The following LIMD1 variants were observed in gnomAD, a reference collection of about 807,000 sequenced individuals.
LIMD1 encodes the protein LIM domain containing 1.
A neutral mutation model predicts 58.4 loss-of-function variants in LIMD1; 23 were observed. The observed-to-expected ratio is 0.39, with a 90% CI of 0.28 to 0.56. The LOEUF (loss-of-function observed/expected upper bound fraction) is 0.56, where lower values mean the gene tolerates loss of function less well. LIMD1 is among the 20% of genes least tolerant of loss of function. The pLI is 0.57. For missense variants in LIMD1, 838 were observed against 855.5 expected, an observed-to-expected ratio of 0.98 and a Z score of 0.25; for synonymous variants, 334 against 345.5, an observed-to-expected ratio of 0.97 and a Z score of 0.37.
intron 1 of LIMD1, among the ~76,000 whole-genome samples, chr3:45,619,520 T>A (rs974782860): frequency 6.6e-6 from 1 of 152,206 alleles, no homozygotes; most frequent in African/African-American, 2.4e-5. Flanking sequence ...GTTTTAAGGC[T>A]GGGCATGGTG....
At chr3:45,661,308 T>C (rs1697433735) in intron 2 of LIMD1, among the ~76,000 whole-genome samples, 1 of 152,254 alleles carries the variant, frequency 6.6e-6, no homozygotes, top group Non-Finnish European at 1.5e-5. Context: ...ACACATAATT[T>C]TGTCATCATA....
intron 1 of LIMD1, among the ~76,000 whole-genome samples, chr3:45,607,580 G>C (rs1701479913): frequency 6.6e-6 from 1 of 152,094 alleles, no homozygotes; most frequent in African/African-American, 2.4e-5. Context: ...CCATGATGCT[G>C]TCATTCCAGG....
chr3:45,631,282 G>A (rs941239768), intron 1 of LIMD1, among the ~76,000 whole-genome samples: 9 of 150,774 alleles, frequency 6.0e-5, no homozygotes, highest in Admixed American at 1.3e-4. Flanking sequence ...CCAGCCTGGC[G>A]ACAGAGTGAG....
chr3:45,619,658 G>A (rs369380782), intron 1 of LIMD1, among the ~76,000 whole-genome samples: 2 of 152,010 alleles, frequency 1.3e-5, no homozygotes. Flanking sequence ...AATTAGCCGG[G>A]TGTGGTGATG....
intron 1 of LIMD1, among the ~76,000 whole-genome samples, chr3:45,599,648 C>T (rs1287695107): frequency 6.6e-6 from 1 of 152,164 alleles, no homozygotes; most frequent in Non-Finnish European, 1.5e-5. Context: ...GTGCAATGTG[C>T]CTAGGTCACC....
chr3:45,675,824 CAGTG>C (rs1697659730), intron 7 of LIMD1, among the ~76,000 whole-genome samples: 1 of 152,112 alleles, frequency 6.6e-6, no homozygotes, highest in African/African-American at 2.4e-5. Flanking sequence ...ATGGACAACA[CAGTG>C]AGACCCTGTC....
At chr3:45,637,230 G>A (rs1283237703) in intron 2 of LIMD1, among the ~76,000 whole-genome samples, 2 of 151,990 alleles carry the variant, frequency 1.3e-5, no homozygotes, top group Admixed American at 1.3e-4. Flanking sequence ...GCTAATCAAG[G>A]GTGGGGCCAG....
chr3:45,656,310 G>A (rs1484317580), intron 2 of LIMD1, among the ~76,000 whole-genome samples: 1 of 152,110 alleles, frequency 6.6e-6, no homozygotes, highest in Non-Finnish European at 1.5e-5. Flanking sequence ...TATTCCTTTT[G>A]GAACAGAAAA....
intron 1 of LIMD1, among the ~76,000 whole-genome samples, chr3:45,601,678 T>G (rs756899963): frequency 4.6e-5 from 7 of 152,236 alleles, no homozygotes; most frequent in Non-Finnish European, 1.0e-4. Flanking sequence ...TAGGCACCAT[T>G]CTCTGTTTAC....
chr3:45,674,533 T>C (rs1490434071), intron 7 of LIMD1, 122 bp downstream of exon 7: 4 of 701,616 alleles, frequency 5.7e-6, no homozygotes, highest in Non-Finnish European at 1.0e-5. Context: ...CTCTAGAGCT[T>C]CTGTAGGAAA....
At chr3:45,613,535 T>C (rs1363537580) in intron 1 of LIMD1, among the ~76,000 whole-genome samples, 1 of 152,162 alleles carries the variant, frequency 6.6e-6, no homozygotes, top group Non-Finnish European at 1.5e-5. Context: ...AATATTACAT[T>C]GTATGGATAC....
intron 5 of LIMD1, 35 bp from the exon 6 acceptor site, chr3:45,673,419 A>G (rs777333891): frequency 4.5e-5 from 72 of 1,601,710 alleles, no homozygotes; most frequent in Non-Finnish European, 6.1e-5. Context: ...TGCTCCCAGA[A>G]GCAACATTTA....
intron 2 of LIMD1, among the ~76,000 whole-genome samples, chr3:45,663,928 T>G (rs2125668172): frequency 6.8e-6 from 1 of 146,844 alleles, no homozygotes; most frequent in African/African-American, 2.6e-5. Flanking sequence ...TGGAGTGCAG[T>G]GGCATGATCT....
chr3:45,618,800 A>G (rs1157696898), intron 1 of LIMD1, among the ~76,000 whole-genome samples: 1 of 152,146 alleles, frequency 6.6e-6, no homozygotes, highest in African/African-American at 2.4e-5. Flanking sequence ...CACTGTTTAC[A>G]GTTCCACTGC....
At chr3:45,598,125 G>A (rs1160672504) in intron 1 of LIMD1, among the ~76,000 whole-genome samples, 1 of 151,950 alleles carries the variant, frequency 6.6e-6, no homozygotes, top group Non-Finnish European at 1.5e-5. Context: ...AGGAAGCAGG[G>A]GAGGAAGGGG....
chr3:45,608,839 C>CAAAAAAA (rs60750700), intron 1 of LIMD1, among the ~76,000 whole-genome samples: 21 of 102,906 alleles, frequency 2.0e-4, no homozygotes, highest in Non-Finnish European at 2.6e-4. Flanking sequence ...GACTCGGTAT[C>CAAAAAAA]AAAAAAAAAA....
intron 1 of LIMD1, chr3:45,612,744 A>G (rs188851280): frequency 6.6e-6 from 1 of 152,370 alleles, no homozygotes; most frequent in African/African-American, 2.4e-5. Context: ...TGCCCATTCT[A>G]AGATGTAATA....
At chr3:45,672,285 G>A (rs1393740748) in intron 4 of LIMD1, among the ~76,000 whole-genome samples, 1 of 152,202 alleles carries the variant, frequency 6.6e-6, no homozygotes, top group Non-Finnish European at 1.5e-5. Flanking sequence ...TGGGAAGGAT[G>A]TATCCTTCTG....
chr3:45,656,525 C>CT (rs1222324429), intron 2 of LIMD1, among the ~76,000 whole-genome samples: 399 of 143,768 alleles, frequency 2.8e-3, no homozygotes, highest in African/African-American at 7.8e-3. Context: ...CTTTTTCTTT[C>CT]TTTTTTTTTT....
Sources: gnomAD v4.1 joint callset for allele counts (sites outside exome capture counted in the v4.1 genomes callset) on GRCh38, gnomAD v4.1.1 for gene constraint, MANE v1.5 for transcripts, NCBI Gene and HGNC (gene_info 2026-07-23, HGNC 2026-07-21) for gene names.